Variants in NRXN2 observed in about 807,000 individuals in gnomAD.
NRXN2 encodes the protein neurexin-2-beta.
In NRXN2, 29 loss-of-function variants were observed where a neutral mutation model predicts 128.8. The ratio of observed to expected loss-of-function variants is 0.23; its 90% CI spans 0.17 to 0.31. The LOEUF (loss-of-function observed/expected upper bound fraction) is 0.31. Among genes scored for constraint, NRXN2 ranks in the 10% least tolerant of loss-of-function variants. NRXN2 has a pLI of 1.00. For missense variants in NRXN2, 1,881 were observed against 2,452.6 expected, an observed-to-expected ratio of 0.77 and a Z score of 4.92; for synonymous variants, 1,098 against 1,075.2, an observed-to-expected ratio of 1.02 and a Z score of -0.41.
At position 64,660,791 on chromosome 11, in the gene NRXN2, C is replaced by T; in HGVS notation, c.2147G>A (p.Cys716Tyr). Residue 716 changes from cysteine (C) to tyrosine (Y), a missense_variant, in exon 10 of 23, where the codon TGC (cysteine) becomes TAC (tyrosine). Around this residue, in one of 7 missense-constraint regions of NRXN2, gnomAD observed 997 missense variants for 1,240.8 expected, o/e 0.80. Coordinates refer to ENST00000265459, the MANE Select transcript of NRXN2 (RefSeq NM_015080.4). The surrounding 1 kb of genome is among the most constrained non-coding windows in gnomAD (Gnocchi z 5.2). Reference protein sequence around the residue: ...REGWNRFICDCIGTGFLGRVC... With the variant: ...REGWNRFICDYIGTGFLGRVC... ...CCGCCCAAGAAAGCCGGTCCCGATG[C>T]AGTCACAGATGAAGCGGTTCCAGCC... The T allele has an allele frequency of 6.2e-7, 1 of 1,613,730 alleles. No individual in the cohort carries two copies. The highest frequency in any genetic ancestry group is 8.5e-7 in the Non-Finnish European group (1 of 1,180,020).
chr11:64,697,400 A>G (rs1453240399), intron 3 of NRXN2, among the ~76,000 whole-genome samples: 1 of 152,128 alleles, frequency 6.6e-6, no homozygotes, highest in Non-Finnish European at 1.5e-5. Flanking sequence ...CAGCATCTGG[A>G]AAATTGCCTT....
At chr11:64,677,699 G>A (rs2051546781) in intron 6 of NRXN2, among the ~76,000 whole-genome samples, 2 of 152,212 alleles carry the variant, frequency 1.3e-5, no homozygotes, top group African/African-American at 4.8e-5. Flanking sequence ...AGAGAGTGGA[G>A]GGGAAGGAAG....
rs777669578 is a variant in NRXN2, at chr11:64,668,649, A to T, written c.1198-45T>A. The T allele has an allele frequency of 1.9e-6, 3 of 1,608,246 alleles. No individual in the cohort carries two copies. In the South Asian group the frequency reaches 3.3e-5, roughly 18 times the overall value. ...GGGAGAAAGACAGGAGACAACCAAC[A>T]TCAAATCCCTAGGAAGAGCTACGGC... is the stretch of plus-strand genomic sequence containing the variant. On this transcript the variant is annotated intron_variant, in intron 7 of 22. Coordinates refer to ENST00000265459, the MANE Select transcript of NRXN2 (RefSeq NM_015080.4).
At chr11:64,676,686 G>A (rs2051365985) in intron 7 of NRXN2, 2 of 494,558 alleles carry the variant, frequency 4.0e-6, no homozygotes, top group African/African-American at 3.8e-5. Context: ...GATGAACATG[G>A]GGCCTGCCCC....
chr11:64,673,937 C>T (rs903326582), intron 7 of NRXN2, among the ~76,000 whole-genome samples: 1 of 151,166 alleles, frequency 6.6e-6, no homozygotes, highest in South Asian at 2.1e-4. Context: ...ACTCAGGAGG[C>T]TGAGGCATAA....
intron 6 of NRXN2, among the ~76,000 whole-genome samples, chr11:64,682,188 C>G (rs954559521): frequency 6.7e-6 from 1 of 148,970 alleles, no homozygotes; most frequent in Non-Finnish European, 1.5e-5. Flanking sequence ...CAGATTCCAT[C>G]CTTGAGGACT....
intron 2 of NRXN2, among the ~76,000 whole-genome samples, chr11:64,700,783 C>T (rs1565446891): frequency 6.6e-6 from 1 of 152,212 alleles, no homozygotes; most frequent in Non-Finnish European, 1.5e-5. Context: ...AAACCTCTCT[C>T]CTGTGCTCTT....
chr11:64,652,181 G>C (rs549547028), intron 12 of NRXN2, 27 bp from the exon 13 acceptor site: 1 of 1,603,682 alleles, frequency 6.2e-7, no homozygotes, highest in East Asian at 2.2e-5. Flanking sequence ...GGAATGAGGA[G>C]GGCACCTATA....
At chr11:64,673,815 G>T (rs1355308890) in intron 7 of NRXN2, among the ~76,000 whole-genome samples, 3 of 152,068 alleles carry the variant, frequency 2.0e-5, no homozygotes, top group Non-Finnish European at 4.4e-5. Flanking sequence ...AAGGTGGGTG[G>T]AATGCCTGAG....
intron 17 of NRXN2, chr11:64,643,160 G>A (rs1203608687): frequency 1.0e-6 from 1 of 976,544 alleles, no homozygotes; most frequent in African/African-American, 1.8e-5. Context: ...GGGAGCGCGG[G>A]GGCCAAGCAG....
chr11:64,633,834 G>A (rs538039760), intron 18 of NRXN2, among the ~76,000 whole-genome samples: 5 of 151,498 alleles, frequency 3.3e-5, no homozygotes, highest in African/African-American at 7.3e-5. Context: ...TGCCTGTCCC[G>A]CTGACACAGG....
Position 64,606,656 on chromosome 11 carries a change from G to A in NRXN2, c.*540C>T, listed in dbSNP as rs926007849. 2.2e-4 allele frequency: 4 copies of A among 18,134 alleles called. No homozygotes were observed. The highest frequency in any genetic ancestry group is 3.2e-4 in the Non-Finnish European group (3 of 9,462). 1.1% of individuals were successfully genotyped at this position (18,134 alleles called of 1,614,324 possible). ...CCCACCCTCCCGCCCTTCTCCCACC[G>A]ACTCTGGAAACCCAAAGGGAGGAAA... On this transcript the variant is annotated 3_prime_UTR_variant, in exon 23 of 23. Coordinates refer to ENST00000265459, the MANE Select transcript of NRXN2 (RefSeq NM_015080.4).
At position 64,721,781 on chromosome 11, in the gene NRXN2, G is replaced by A. The variant is rs146375334; in HGVS notation, c.-245+1190C>T. ...TAAGAATGAATGGAAGAGGAGAGAC[G>A]CCCACCCGCCAACACATGAAAAAAC... is the stretch of plus-strand genomic sequence containing the variant. On this transcript the variant is annotated intron_variant, in intron 1 of 22. Transcript: ENST00000265459. Among the ~76,000 whole-genome samples the A allele has an allele frequency of 2.3e-3, 347 of 152,116 alleles. 1 individual carries two copies. Among genetic ancestry groups the A allele is most frequent in the African/African-American group, 7.9e-3 (326 of 41,482 alleles).
intron 5 of NRXN2, chr11:64,688,693 G>C (rs144625821): frequency 7.1e-6 from 7 of 985,324 alleles, no homozygotes; most frequent in Non-Finnish European, 8.4e-6. Context: ...GCTGATGCTC[G>C]TTTATCTCCC....
chr11:64,685,645 C>T lies in NRXN2; in HGVS notation c.1152+1G>A. 6.2e-7 allele frequency: 1 copy of T among 1,614,234 alleles called. No homozygotes were observed. Among genetic ancestry groups the T allele is most frequent in the Non-Finnish European group, 8.5e-7 (1 of 1,180,046 alleles). On this transcript the variant is annotated splice_donor_variant, in intron 6 of 22. Coordinates refer to ENST00000265459, the MANE Select transcript of NRXN2 (RefSeq NM_015080.4). LOFTEE classifies it high-confidence loss of function. ...CCTGGCCTTCTTCTCACTCCTCCTA[C>T]CTGGCGCAGGTTTCGGGTGACCCGG...
intron 17 of NRXN2, among the ~76,000 whole-genome samples, chr11:64,647,675 G>A (rs192106737): frequency 6.7e-4 from 102 of 152,326 alleles, no homozygotes; most frequent in African/African-American, 2.4e-3. Context: ...CCCATTCCAG[G>A]GAAACCAGCT....
intron 7 of NRXN2, among the ~76,000 whole-genome samples, chr11:64,674,400 C>T (rs2051035842): frequency 6.6e-6 from 1 of 152,092 alleles, no homozygotes; most frequent in Admixed American, 6.5e-5. Context: ...CCATGTTGGC[C>T]AGGCTGGCCT....
intron 5 of NRXN2, among the ~76,000 whole-genome samples, chr11:64,689,413 A>C (rs2053529014): frequency 6.6e-6 from 1 of 152,146 alleles, no homozygotes; most frequent in African/African-American, 2.4e-5. Flanking sequence ...TGCACTTTTC[A>C]TGTACTTTGC....
At chr11:64,615,451 T>A (rs1398361871) in intron 22 of NRXN2, among the ~76,000 whole-genome samples, 3 of 152,252 alleles carry the variant, frequency 2.0e-5, no homozygotes, top group African/African-American at 7.2e-5. Context: ...TCTCGGCAAA[T>A]GTGTCTGTGA....
Sources: allele counts gnomAD v4.1 joint callset (sites outside exome capture counted in the v4.1 genomes callset), GRCh38; gene constraint gnomAD v4.1.1; regional missense constraint gnomAD v4.1.1; non-coding constraint Gnocchi (gnomAD v3.1); transcripts MANE v1.5; gene names NCBI Gene and HGNC (gene_info 2026-07-23, HGNC 2026-07-21).